GALNT13: variants seen among roughly 807,000 people sequenced by gnomAD.
GALNT13 encodes polypeptide N-acetylgalactosaminyltransferase 13.
In GALNT13, 28 loss-of-function variants were observed where a neutral mutation model predicts 64.2. The observed-to-expected ratio is 0.44, with a 90% confidence interval of 0.32 to 0.60. The LOEUF is 0.60. Ranked by LOEUF, GALNT13 falls within the 20% of genes least tolerant of loss-of-function variation. The pLI, the probability that GALNT13 is intolerant of heterozygous loss-of-function variation, is 0.05. For missense variants in GALNT13, 577 were observed against 669.8 expected (o/e 0.86, Z 1.53); for synonymous variants, 214 against 224.6 (o/e 0.95, Z 0.42).
the GALNT13 span, among the ~76,000 whole-genome samples, chr2:153,335,246 G>A: frequency 6.6e-5 from 10 of 152,298 alleles, no homozygotes; most frequent in African/African-American, 2.2e-4. Context: ...GTAGAGTGGG[G>A]CATTGTTGAA....
At chr2:153,190,236 T>C in the GALNT13 span, among the ~76,000 whole-genome samples, 2 of 151,920 alleles carry the variant, frequency 1.3e-5, no homozygotes, top group African/African-American at 4.8e-5. Context: ...GGATATTACA[T>C]TTAAATTTTT....
the GALNT13 span, among the ~76,000 whole-genome samples, chr2:153,280,916 T>C: frequency 2.6e-5 from 4 of 152,226 alleles, no homozygotes; most frequent in Non-Finnish European, 5.9e-5. Flanking sequence ...CACAATTTCT[T>C]TGTTACTTTT....
chr2:153,257,054 G>A, the GALNT13 span, among the ~76,000 whole-genome samples: 4 of 152,202 alleles, frequency 2.6e-5, no homozygotes, highest in African/African-American at 7.2e-5. Context: ...CGCCAGCCTC[G>A]CTGCCGCCTT....
the GALNT13 span, among the ~76,000 whole-genome samples, chr2:153,804,314 T>A: frequency 6.6e-6 from 1 of 152,152 alleles, no homozygotes; most frequent in South Asian, 2.1e-4. Context: ...ACCACAGGCA[T>A]GTGCCATCAT....
At chr2:153,536,808 C>T in the GALNT13 span, among the ~76,000 whole-genome samples, 25 of 151,916 alleles carry the variant, frequency 1.6e-4, no homozygotes, top group African/African-American at 5.8e-4. Context: ...TGTCCAAAGA[C>T]GTGTAATTAT....
At chr2:154,285,667 T>C (rs1692224309) in intron 8 of GALNT13, among the ~76,000 whole-genome samples, 2 of 152,184 alleles carry the variant, frequency 1.3e-5, no homozygotes, top group African/African-American at 2.4e-5. Flanking sequence ...CAAGCTTTGC[T>C]CTTTTTGTTC....
chr2:154,449,908 T>C (rs1701797582), intron 12 of GALNT13, among the ~76,000 whole-genome samples: 1 of 152,048 alleles, frequency 6.6e-6, no homozygotes, highest in African/African-American at 2.4e-5. Context: ...GATAATCACT[T>C]TCTACAATGA....
the GALNT13 span, among the ~76,000 whole-genome samples, chr2:153,407,874 TTTATC>T: frequency 1.3e-5 from 2 of 152,154 alleles, no homozygotes; most frequent in Non-Finnish European, 2.9e-5. Flanking sequence ...GTGTGCCACT[TTTATC>T]TAAAATTTAA....
At chr2:153,384,092 A>AT in the GALNT13 span, among the ~76,000 whole-genome samples, 229 of 152,146 alleles carry the variant, frequency 1.5e-3, 1 homozygote, top group African/African-American at 5.1e-3. Flanking sequence ...TACCAAGCAC[A>AT]TTTTTGTGAG....
chr2:154,060,544 CAG>C (rs1010282611), intron 3 of GALNT13, among the ~76,000 whole-genome samples: 1 of 151,958 alleles, frequency 6.6e-6, no homozygotes, highest in African/African-American at 2.4e-5. Flanking sequence ...TTAATAGAGA[CAG>C]AGTTTCACCA....
chr2:153,473,401 C>G, the GALNT13 span, among the ~76,000 whole-genome samples: 1 of 152,102 alleles, frequency 6.6e-6, no homozygotes, highest in Middle Eastern at 3.4e-3. Context: ...CCTGGACTTT[C>G]AAGTCTTTTA....
chr2:154,166,488 A>G (rs1228397204), intron 4 of GALNT13, among the ~76,000 whole-genome samples: 1 of 152,216 alleles, frequency 6.6e-6, no homozygotes, highest in Non-Finnish European at 1.5e-5. Flanking sequence ...CAGGTGCTGG[A>G]GAGGATGTGG....
At chr2:154,333,501 AATG>A (rs1244600605) in intron 9 of GALNT13, among the ~76,000 whole-genome samples, 5 of 152,078 alleles carry the variant, frequency 3.3e-5, no homozygotes, top group East Asian at 1.9e-4. Flanking sequence ...GGTTTGAAAT[AATG>A]ATGTTTCTCA....
At chr2:153,580,447 C>T in the GALNT13 span, among the ~76,000 whole-genome samples, 3 of 152,142 alleles carry the variant, frequency 2.0e-5, no homozygotes, top group East Asian at 5.8e-4. Flanking sequence ...TCACTTTTAG[C>T]TGAGGGACTT....
intron 12 of GALNT13, chr2:154,446,412 C>T (rs1233801919): frequency 4.8e-6 from 3 of 624,072 alleles, no homozygotes; most frequent in Non-Finnish European, 7.4e-6. Context: ...TTAAAGCCAT[C>T]TAAAAAAATG....
intron 4 of GALNT13, among the ~76,000 whole-genome samples, chr2:154,227,931 C>G (rs1688709545): frequency 6.6e-6 from 1 of 152,026 alleles, no homozygotes; most frequent in Non-Finnish European, 1.5e-5. Flanking sequence ...TTATTGAATT[C>G]TGTTTTTAGT....
chr2:154,142,550 A>AG (rs2105586148), intron 4 of GALNT13, among the ~76,000 whole-genome samples: 2 of 43,690 alleles, frequency 4.6e-5, no homozygotes, highest in South Asian at 8.3e-4. Context: ...ACTCTGTCTC[A>AG]AAAAAAAAAA....
the GALNT13 span, among the ~76,000 whole-genome samples, chr2:153,236,207 A>G: frequency 6.6e-6 from 1 of 152,170 alleles, no homozygotes; most frequent in Admixed American, 6.5e-5. Context: ...TCATGAAGTT[A>G]AGGAAAGAAA....
At chr2:153,416,539 A>G in the GALNT13 span, among the ~76,000 whole-genome samples, 1 of 152,166 alleles carries the variant, frequency 6.6e-6, no homozygotes, top group Admixed American at 6.5e-5. Context: ...GCTGTTTTGT[A>G]TGTTAAAGGC....
Sources: gnomAD v4.1 joint callset for allele counts (sites outside exome capture counted in the v4.1 genomes callset) on GRCh38, gnomAD v4.1.1 for gene constraint, MANE v1.5 for transcripts, NCBI Gene and HGNC (gene_info 2026-07-23, HGNC 2026-07-21) for gene names.